Variants in UBE3C observed in about 807,000 individuals in gnomAD.
UBE3C encodes ubiquitin protein ligase E3C.
In UBE3C, 42 loss-of-function variants were observed where a neutral mutation model predicts 129.4. The observed-to-expected ratio is 0.32, with a 90% confidence interval of 0.25 to 0.42. The LOEUF is 0.42. UBE3C is among the 10% of genes least tolerant of loss of function. UBE3C has a pLI of 1.00. For missense variants in UBE3C, 1,049 were observed against 1,319.1 expected, an observed-to-expected ratio of 0.80 and a Z score of 3.17; for synonymous variants, 510 against 492.4, an observed-to-expected ratio of 1.04 and a Z score of -0.47.
chr7:157,177,471 T>A (rs1808549991), intron 5 of UBE3C, among the ~76,000 whole-genome samples: 2 of 152,236 alleles, frequency 1.3e-5, no homozygotes, highest in Admixed American at 1.3e-4. Context: ...TTATCAGGTT[T>A]ACCTCTCACA....
At chr7:157,178,993 GC>G in intron 6 of UBE3C, 146 bp downstream of exon 6, 1 of 938,936 alleles carries the variant, frequency 1.1e-6, no homozygotes. Context: ...ATCCACAGGT[GC>G]CCACCAGAGT....
chr7:157,250,805 A>AG (rs1174428610), intron 19 of UBE3C, among the ~76,000 whole-genome samples: 2 of 152,188 alleles, frequency 1.3e-5, no homozygotes, highest in Non-Finnish European at 2.9e-5. Context: ...TGCACCACCT[A>AG]GTGGCCTGAT....
At chr7:157,187,716 A>G (rs934045879) in intron 10 of UBE3C, among the ~76,000 whole-genome samples, 2 of 151,792 alleles carry the variant, frequency 1.3e-5, no homozygotes, top group East Asian at 3.9e-4. Flanking sequence ...AGCTGGGACT[A>G]CAGGCGCCCG....
intron 10 of UBE3C, among the ~76,000 whole-genome samples, chr7:157,191,492 T>C (rs1244255693): frequency 1.3e-5 from 2 of 152,196 alleles, no homozygotes; most frequent in Non-Finnish European, 2.9e-5. Context: ...GGTTTTGCCA[T>C]GTTGCCTAGG....
Position 157,192,417 on chromosome 7 carries a change from T to G in UBE3C, c.1331+5396T>G. ...ACGGGGAAGACCATCACCCTCAAGG[T>G]TGAACCCTTGGATATGATAGAAAAT... On this transcript the variant is annotated intron_variant, in intron 10 of 22. Coordinates refer to ENST00000348165, the MANE Select transcript of UBE3C (RefSeq NM_014671.3). The G allele has an allele frequency of 9.7e-6, 7 of 719,512 alleles. No homozygotes were observed. The East Asian group carries it at 1.3e-4, about 13-fold the overall frequency. 44.6% of individuals were successfully genotyped at this position (719,512 alleles called of 1,614,324 possible). A position where few individuals can be genotyped will look rare whatever the true frequency, so the allele number is the denominator to read the frequency against.
chr7:157,193,612 T>G (rs547442809), intron 10 of UBE3C, among the ~76,000 whole-genome samples: 12 of 152,354 alleles, frequency 7.9e-5, no homozygotes, highest in African/African-American at 2.9e-4. Context: ...TATCACTTCT[T>G]TACATTTTAG....
chr7:157,211,653 G>A (rs1316652449), intron 13 of UBE3C, among the ~76,000 whole-genome samples: 1 of 151,944 alleles, frequency 6.6e-6, no homozygotes, highest in Non-Finnish European at 1.5e-5. Flanking sequence ...TGGTAACTAA[G>A]GGCTATATAA....
chr7:157,225,381 A>T, intron 16 of UBE3C, 26 bp from the exon 17 acceptor site: 1 of 1,578,412 alleles, frequency 6.3e-7, no homozygotes, highest in Non-Finnish European at 8.5e-7. Flanking sequence ...GTTTCTAATA[A>T]CCTTACAGCT....
intron 13 of UBE3C, among the ~76,000 whole-genome samples, chr7:157,208,664 T>A (rs1809507200): frequency 6.6e-6 from 1 of 152,240 alleles, no homozygotes; most frequent in African/African-American, 2.4e-5. Flanking sequence ...AGGTCATTAA[T>A]TTTTAATGCT....
At chr7:157,197,180 C>T (rs1163814723) in intron 10 of UBE3C, among the ~76,000 whole-genome samples, 3 of 152,212 alleles carry the variant, frequency 2.0e-5, no homozygotes, top group Non-Finnish European at 4.4e-5. Flanking sequence ...GTATTTACTA[C>T]AGACAAATTT....
At chr7:157,188,985 C>T (rs762360890) in intron 10 of UBE3C, 2 of 612,272 alleles carry the variant, frequency 3.3e-6, no homozygotes, top group Non-Finnish European at 3.0e-6. Flanking sequence ...TGTACCCTGA[C>T]ATGGAAAGAT....
chr7:157,223,921 A>G (rs944756263), intron 16 of UBE3C, among the ~76,000 whole-genome samples: 1 of 152,122 alleles, frequency 6.6e-6, no homozygotes, highest in Non-Finnish European at 1.5e-5. Context: ...ACCTATCTCA[A>G]AGGGGGGAAG....
intron 15 of UBE3C, chr7:157,221,138 CCA>C (rs1035697376): frequency 1.0e-4 from 19 of 185,776 alleles, no homozygotes; most frequent in Non-Finnish European, 2.0e-4. Context: ...TGGGGATGCA[CCA>C]CAGTTTGTGA....
chr7:157,254,101 A>G lies in UBE3C; in HGVS notation c.2842A>G (p.Ser948Gly), dbSNP rs1325911601. 2 of 1,612,678 alleles carry G rather than the reference A, an allele frequency of 1.2e-6. No homozygotes were observed. Among genetic ancestry groups the G allele is most frequent in the Admixed American group, 1.7e-5 (1 of 59,726 alleles). ...CCGCCAGGGCCTTGCCAATGTCGTC[A>G]GCCTCGAGTGGCTCCGAATGTTTGA... ...AFRQGLANVV[S>G]LEWLRMFDQQ... is the part of the protein sequence containing the mutation. Residue 948 changes from serine (S) to glycine (G), a missense_variant, in exon 20 of 23, where the codon AGC becomes GGC. Around this residue, in one of 4 missense-constraint regions of UBE3C, gnomAD observed 243 missense variants for 368.7 expected, o/e 0.66. Transcript: ENST00000348165.
At chr7:157,166,565 A>AC (rs1471219480) in intron 2 of UBE3C, among the ~76,000 whole-genome samples, 1 of 151,720 alleles carries the variant, frequency 6.6e-6, no homozygotes, top group African/African-American at 2.4e-5. Context: ...ACATGAAGAA[A>AC]CCCCATCTCT....
At chr7:157,143,256 G>C (rs1252462115) in intron 1 of UBE3C, among the ~76,000 whole-genome samples, 7 of 152,086 alleles carry the variant, frequency 4.6e-5, no homozygotes, top group Admixed American at 6.5e-5. Context: ...GTTTAATTGG[G>C]GGTATGTTTT....
In UBE3C at chr7:157,262,834, G is replaced by A. The variant is rs189420697; in HGVS notation, c.3082-4751G>A. Among the ~76,000 whole-genome samples, 5 of 152,340 alleles carry A rather than the reference G, an allele frequency of 3.3e-5. No individual in the cohort carries two copies. The East Asian group carries it at 9.6e-4, about 29-fold the overall frequency. On this transcript the variant is annotated intron_variant, in intron 22 of 22. Coordinates refer to ENST00000348165, the MANE Select transcript of UBE3C (RefSeq NM_014671.3). Reference sequence around the variant, plus strand: ...TCCAACTGAAATGTGGGTGTGGCCAGTTGGGTGCCTGTTGTGCTTTGTGAC... The same window carrying A: ...TCCAACTGAAATGTGGGTGTGGCCAATTGGGTGCCTGTTGTGCTTTGTGAC...
chr7:157,159,291 C>T (rs1471742543), intron 1 of UBE3C, among the ~76,000 whole-genome samples: 2 of 149,528 alleles, frequency 1.3e-5, no homozygotes, highest in South Asian at 4.2e-4. Flanking sequence ...GAGTATTTGA[C>T]ACAGCAGGCA....
At chr7:157,254,354 T>G in intron 21 of UBE3C, 44 bp downstream of exon 21, 2 of 1,212,324 alleles carry the variant, frequency 1.6e-6, no homozygotes, top group Non-Finnish European at 2.2e-6. Flanking sequence ...ATGTTGCAGG[T>G]GGTCATATTT....
Sources: allele counts gnomAD v4.1 joint callset (sites outside exome capture counted in the v4.1 genomes callset), GRCh38; gene constraint gnomAD v4.1.1; regional missense constraint gnomAD v4.1.1; transcripts MANE v1.5; gene names NCBI Gene and HGNC (gene_info 2026-07-23, HGNC 2026-07-21).